HEPHL1: variants seen among roughly 807,000 people sequenced by gnomAD.
HEPHL1 encodes the protein ferroxidase HEPHL1.
Under a neutral mutation model 122.0 loss-of-function variants are expected in HEPHL1, and 123 were observed. The ratio of observed to expected loss-of-function variants is 1.01; its 90% CI spans 0.87 to 1.17. HEPHL1 has a LOEUF of 1.17. Among genes scored for constraint, HEPHL1 ranks in the 50% most tolerant of loss-of-function variants. The pLI is 0.00. For synonymous variants in HEPHL1, 527 were observed against 508.9 expected (o/e 1.04, Z -0.48); for missense variants, 1,452 against 1,430.5 (o/e 1.01, Z -0.24).
rs1414842521 is a variant in HEPHL1 at position 94,067,770 on chromosome 11, G to C, written c.1063+20G>C. ...TACAAGGTAAAAAGGATAAAGACCAGAGTTGATATGTTTAGAATGGTACAA... is the reference window on the plus strand; with the variant it reads ...TACAAGGTAAAAAGGATAAAGACCACAGTTGATATGTTTAGAATGGTACAA... On this transcript the variant is annotated intron_variant, in intron 5 of 19. Coordinates refer to ENST00000315765, the MANE Select transcript of HEPHL1 (RefSeq NM_001098672.2). 1 of 1,611,298 alleles carries C rather than the reference G, an allele frequency of 6.2e-7. No individual in the cohort carries two copies. Among genetic ancestry groups the C allele is most frequent in the Admixed American group, 1.7e-5 (1 of 59,868 alleles).
At position 94,043,515 on chromosome 11, in the gene HEPHL1, G is replaced by A. The variant is rs148108027; in HGVS notation, c.171-2158G>A. Among the ~76,000 whole-genome samples the A allele has an allele frequency of 9.1e-3, 1,380 of 152,110 alleles. 18 individuals are homozygous for A. Among genetic ancestry groups the A allele is most frequent in the Middle Eastern group, 0.024 (7 of 294 alleles). On this transcript the variant is annotated intron_variant, in intron 1 of 19. Transcript: ENST00000315765. The stretch of plus-strand genomic sequence containing the variant: ...CAACAGCTTATTAGAGAAATTTGGC[G>A]TGCTTATAGGCTAGGCTGAGGCACT...
Position 94,086,059 on chromosome 11 carries a change from G to A in HEPHL1, c.1950G>A (p.Leu650=). The change falls in exon 11 of 20, where the codon TTG becomes TTA. Residue 650 remains leucine (L), a synonymous_variant. Transcript: ENST00000315765. ...GAGTTTCCTGGCATCTGATTGGATTGGGCACTGACACTGACATGCATGGAA... is the reference window on the plus strand; with the variant it reads ...GAGTTTCCTGGCATCTGATTGGATTAGGCACTGACACTGACATGCATGGAA... ...RDRVSWHLIG[L]GTDTDMHGIV... is the part of the protein sequence containing the mutation. 6.2e-7 allele frequency: 1 copy of A among 1,613,766 alleles called. No homozygotes were observed.
At chr11:94,074,571 C>G (rs1336111431) in intron 8 of HEPHL1, among the ~76,000 whole-genome samples, 2 of 152,108 alleles carry the variant, frequency 1.3e-5, no homozygotes, top group African/African-American at 2.4e-5. Flanking sequence ...GAATGAGCCT[C>G]TGGCCTTGTC....
intron 13 of HEPHL1, among the ~76,000 whole-genome samples, chr11:94,097,218 G>A (rs1946324139): frequency 6.6e-6 from 1 of 152,098 alleles, no homozygotes; most frequent in African/African-American, 2.4e-5. Context: ...GGTATGTTGT[G>A]TCTTTGTTCT....
In HEPHL1 at chr11:94,021,604, G is replaced by T. The variant is rs527272550; in HGVS notation, c.170+66G>T. The T allele has an allele frequency of 5.1e-5, 66 of 1,295,290 alleles. 1 individual carries two copies. Among genetic ancestry groups the T allele is most frequent in the Middle Eastern group, 1.9e-4 (1 of 5,226 alleles). The allele number at this position is 1,295,290 out of a possible 1,614,324, so 80.2% of individuals were successfully genotyped here. On this transcript the variant is annotated intron_variant, in intron 1 of 19. Coordinates refer to ENST00000315765, the MANE Select transcript of HEPHL1 (RefSeq NM_001098672.2). ...CTCTTTTTGACTTTGTGTGGGGAAGGTTGTATTTCTTGGGTACTTACAATG... is the reference window on the plus strand; with the variant it reads ...CTCTTTTTGACTTTGTGTGGGGAAGTTTGTATTTCTTGGGTACTTACAATG...
At chr11:94,088,708 C>A in intron 11 of HEPHL1, 47 bp from the exon 12 acceptor site, 1 of 1,470,798 alleles carries the variant, frequency 6.8e-7, no homozygotes, top group Non-Finnish European at 9.3e-7. Context: ...CCATCACCAA[C>A]AAAAATACCG....
chr11:94,110,896 T>A lies in HEPHL1; in HGVS notation c.3046-7T>A. On this transcript the variant is annotated splice_region_variant and splice_polypyrimidine_tract_variant and intron_variant, in intron 17 of 19. Transcript: ENST00000315765. ...ACTAGCTGTTGTTTTTTAAAACGTTTTTGCAGATAGATAAATCTTACCGAG... is the reference window on the plus strand; with the variant it reads ...ACTAGCTGTTGTTTTTTAAAACGTTATTGCAGATAGATAAATCTTACCGAG... 2 of 1,608,208 alleles carry A rather than the reference T, an allele frequency of 1.2e-6. No homozygotes were observed. Among genetic ancestry groups the A allele is most frequent in the Non-Finnish European group, 1.7e-6 (2 of 1,176,402 alleles).
At chr11:94,055,614 C>A in intron 2 of HEPHL1, 1 of 369,432 alleles carries the variant, frequency 2.7e-6, no homozygotes, top group Non-Finnish European at 5.4e-6. Flanking sequence ...TAGTGATGTA[C>A]AGCAGCACAC....
At position 94,024,571 on chromosome 11, in the gene HEPHL1, C is replaced by G. The variant is rs897074561; in HGVS notation, c.170+3033C>G. Among the ~76,000 whole-genome samples the G allele has an allele frequency of 2.0e-5, 3 of 152,222 alleles. No individual in the cohort carries two copies. In the East Asian group the frequency reaches 5.8e-4, roughly 29 times the overall value. On this transcript the variant is annotated intron_variant, in intron 1 of 19. Transcript: ENST00000315765. The stretch of plus-strand genomic sequence containing the variant: ...AACTTTTGAAGTAGTCTTTATTTTT[C>G]TTTCTCCATTTTTTCCCCTGTCCTT...
At chr11:94,046,006 G>T in intron 2 of HEPHL1, 89 bp downstream of exon 2, 7 of 1,006,124 alleles carry the variant, frequency 7.0e-6, no homozygotes, top group Non-Finnish European at 9.8e-6. Flanking sequence ...GGAGCACATT[G>T]ATTACATGGA....
At chr11:94,025,455 AG>A (rs1945616441) in intron 1 of HEPHL1, among the ~76,000 whole-genome samples, 1 of 152,150 alleles carries the variant, frequency 6.6e-6, no homozygotes, top group Non-Finnish European at 1.5e-5. Flanking sequence ...TCTTATTTAA[AG>A]CCACAGTTCT....
At chr11:94,094,182 T>A (rs900586820) in intron 13 of HEPHL1, among the ~76,000 whole-genome samples, 8 of 151,458 alleles carry the variant, frequency 5.3e-5, no homozygotes, top group African/African-American at 9.7e-5. Flanking sequence ...TGGTGTGTGA[T>A]GTTCCCCTTC....
At chr11:94,047,076 G>A (rs1000407239) in intron 2 of HEPHL1, among the ~76,000 whole-genome samples, 2 of 152,226 alleles carry the variant, frequency 1.3e-5, no homozygotes, top group Non-Finnish European at 1.5e-5. Context: ...ATTGCCCTTT[G>A]TTCTGGGCTC....
At chr11:94,045,646 T>C in intron 1 of HEPHL1, 27 bp from the exon 2 acceptor site, 1 of 1,548,048 alleles carries the variant, frequency 6.5e-7, no homozygotes, top group Non-Finnish European at 8.7e-7. Context: ...TCATTTCAAT[T>C]AAAAATGTTT....
At chr11:94,030,016 G>T (rs551810712) in intron 1 of HEPHL1, among the ~76,000 whole-genome samples, 1 of 152,316 alleles carries the variant, frequency 6.6e-6, no homozygotes, top group East Asian at 1.9e-4. Flanking sequence ...ATCTGCATGT[G>T]TGTATACTTT....
intron 13 of HEPHL1, among the ~76,000 whole-genome samples, chr11:94,094,529 G>T (rs550737660): frequency 6.6e-6 from 1 of 152,162 alleles, no homozygotes; most frequent in Non-Finnish European, 1.5e-5. Context: ...TGGGATAGCT[G>T]GGTCAAATGG....
rs1946087890 is a variant in HEPHL1 at position 94,072,897 on chromosome 11, C to T, written c.1233-128C>T. Reference sequence around the variant, plus strand: ...ACTATTCCTGGGAACTCTGTCAAGGCCTGTGCTGTCTTTTCTGGGGACATG... The same window carrying T: ...ACTATTCCTGGGAACTCTGTCAAGGTCTGTGCTGTCTTTTCTGGGGACATG... On this transcript the variant is annotated intron_variant, in intron 6 of 19. Transcript: ENST00000315765. The T allele has an allele frequency of 6.3e-6, 5 of 795,450 alleles. No individual in the cohort carries two copies. In the South Asian group the frequency reaches 9.2e-5, roughly 15 times the overall value. The allele number at this position is 795,450 out of a possible 1,614,324, so 49.3% of individuals were successfully genotyped here. A position where few individuals can be genotyped will look rare whatever the true frequency, so the allele number is the denominator to read the frequency against.
chr11:94,102,852 T>C, intron 14 of HEPHL1, 62 bp from the exon 15 acceptor site: 2 of 828,346 alleles, frequency 2.4e-6, no homozygotes, highest in South Asian at 3.0e-5. Flanking sequence ...TTATATTTCT[T>C]CAGATAAATC....
At chr11:94,045,188 G>C (rs1945823013) in intron 1 of HEPHL1, among the ~76,000 whole-genome samples, 1 of 152,242 alleles carries the variant, frequency 6.6e-6, no homozygotes, top group African/African-American at 2.4e-5. Flanking sequence ...TTACAGGTGT[G>C]GACCACTATG....
Sources: gnomAD v4.1 joint callset for allele counts (sites outside exome capture counted in the v4.1 genomes callset) on GRCh38, gnomAD v4.1.1 for gene constraint, MANE v1.5 for transcripts, NCBI Gene and HGNC (gene_info 2026-07-23, HGNC 2026-07-21) for gene names.